The following ITPRID1 variants were observed in gnomAD, a reference collection of about 807,000 sequenced individuals.
The protein encoded by ITPRID1 is ITPR interacting domain containing 1, also known as protein ITPRID1.
A neutral mutation model predicts 95.4 loss-of-function variants in ITPRID1; 96 were observed. The observed-to-expected ratio is 1.01, with a 90% CI of 0.85 to 1.19. The LOEUF (loss-of-function observed/expected upper bound fraction) is 1.19. Ranked by LOEUF, ITPRID1 falls within the 50% of genes most tolerant of loss-of-function variation. The probability of loss-of-function intolerance (pLI) is 0.00; values close to 1 mark genes in which losing one functional copy is unlikely to be tolerated. For synonymous variants in ITPRID1, 510 were observed against 453.6 expected (o/e 1.12, Z -1.58); for missense variants, 1,339 against 1,252.9 (o/e 1.07, Z -1.04).
rs746300225 is a variant in ITPRID1, at chr7:31,643,055, A to G, written c.1685A>G (p.Tyr562Cys). 2.5e-6 allele frequency: 4 copies of G among 1,613,860 alleles called. No homozygotes were observed. The Admixed American group carries it at 5.0e-5, about 20-fold the overall frequency. ...ACCAGACCCACAGCCACTTCCAAAT[A>G]TGATCATCCTCTGGGGTTTATGGTA... is the stretch of plus-strand genomic sequence containing the variant. The part of the protein sequence containing the change: ...EVTRPTATSK[Y>C]DHPLGFMVTH... Residue 562 changes from tyrosine (Y) to cysteine (C), a missense_variant, in exon 12 of 15, where the codon TAT becomes TGT. By Grantham distance (194) the Tyr-to-Cys change is radical (BLOSUM62 -2). Coordinates refer to ENST00000615280, the MANE Select transcript of ITPRID1 (RefSeq NM_001257967.3).
At chr7:31,632,433 C>T (rs931398859) in intron 10 of ITPRID1, among the ~76,000 whole-genome samples, 5 of 152,022 alleles carry the variant, frequency 3.3e-5, no homozygotes, top group African/African-American at 4.8e-5. Context: ...GGTGACAGAG[C>T]GAGACTCCTT....
intron 10 of ITPRID1, among the ~76,000 whole-genome samples, chr7:31,640,601 A>T (rs1216856633): frequency 1.3e-5 from 2 of 151,612 alleles, no homozygotes; most frequent in East Asian, 3.9e-4. Flanking sequence ...TTTCTCAAGG[A>T]CTGCTGTCTG....
intron 5 of ITPRID1, among the ~76,000 whole-genome samples, chr7:31,562,624 T>G (rs1784663254): frequency 6.6e-6 from 1 of 152,204 alleles, no homozygotes; most frequent in Non-Finnish European, 1.5e-5. Context: ...ATGATCTGTT[T>G]TAGGTGAAGG....
At chr7:31,591,379 A>G (rs1310659003) in intron 10 of ITPRID1, among the ~76,000 whole-genome samples, 1 of 152,236 alleles carries the variant, frequency 6.6e-6, no homozygotes, top group Non-Finnish European at 1.5e-5. Context: ...ACACATATGC[A>G]GCCATAACAA....
In ITPRID1 at chr7:31,549,621, T is replaced by C. The variant is rs1583485254; in HGVS notation, c.-24+122T>C. 4.0e-5 allele frequency: 26 copies of C among 643,874 alleles called. No individual in the cohort carries two copies. In the East Asian group the frequency reaches 6.9e-4, roughly 17 times the overall value. The allele number at this position is 643,874 out of a possible 1,614,324, so 39.9% of individuals were successfully genotyped here. Reference sequence around the variant, plus strand: ...GAAAAGTTTGAAAATTTCCCCAAGATGTCAGAAAGCAGCAGAGCTGATATT... The same window carrying C: ...GAAAAGTTTGAAAATTTCCCCAAGACGTCAGAAAGCAGCAGAGCTGATATT... On this transcript the variant is annotated intron_variant, in intron 2 of 14. Coordinates refer to ENST00000615280, the MANE Select transcript of ITPRID1 (RefSeq NM_001257967.3).
chr7:31,542,585 T>TA (rs1783968637), intron 1 of ITPRID1, among the ~76,000 whole-genome samples: 1 of 152,186 alleles, frequency 6.6e-6, no homozygotes, highest in Non-Finnish European at 1.5e-5. Context: ...TGGACTAGAC[T>TA]GCCTAAGGCT....
chr7:31,519,727 A>G (rs1261890314), intron 1 of ITPRID1, among the ~76,000 whole-genome samples: 2 of 149,370 alleles, frequency 1.3e-5, no homozygotes, highest in Admixed American at 6.7e-5. Context: ...ACTGAATCTC[A>G]GAGTTGGAGT....
rs1036733868 is a variant in ITPRID1, at chr7:31,598,697, T to C, written c.1228+15506T>C. On this transcript the variant is annotated intron_variant, in intron 10 of 14. Coordinates refer to ENST00000615280, the MANE Select transcript of ITPRID1 (RefSeq NM_001257967.3). ...GGATTACAGGCGTGAGCCACCGCGCTCGGTCTAAAATAGCAAATTTCTAAA... is the reference window on the plus strand; with the variant it reads ...GGATTACAGGCGTGAGCCACCGCGCCCGGTCTAAAATAGCAAATTTCTAAA... 2.6e-5 allele frequency among the ~76,000 whole-genome samples: 4 copies of C among 152,070 alleles called. No individual in the cohort carries two copies. The South Asian group carries it at 6.2e-4, about 24-fold the overall frequency.
chr7:31,555,085 C>A lies in ITPRID1; in HGVS notation c.256+184C>A, dbSNP rs1490250797. 4 of 565,344 alleles carry A rather than the reference C, an allele frequency of 7.1e-6. No homozygotes were observed. In the Admixed American group the frequency reaches 9.4e-5, roughly 13 times the overall value. The allele number at this position is 565,344 out of a possible 1,614,324, so 35.0% of individuals were successfully genotyped here. ...CTGCGACAAAAATGATAGGTGCTTCCCCAGCAGCAGGTTAAGGGCCGAACC... is the reference window on the plus strand; with the variant it reads ...CTGCGACAAAAATGATAGGTGCTTCACCAGCAGCAGGTTAAGGGCCGAACC... On this transcript the variant is annotated intron_variant, in intron 5 of 14. Transcript: ENST00000615280.
chr7:31,586,531 T>G (rs919873628), intron 10 of ITPRID1, among the ~76,000 whole-genome samples: 1 of 151,026 alleles, frequency 6.6e-6, no homozygotes, highest in Non-Finnish European at 1.5e-5. Context: ...TGATCGCCAT[T>G]CTAACTGGTG....
intron 10 of ITPRID1, among the ~76,000 whole-genome samples, chr7:31,598,146 TTGG>T (rs997820870): frequency 2.0e-5 from 3 of 152,120 alleles, no homozygotes; most frequent in African/African-American, 2.4e-5. Flanking sequence ...AAGTAAGGCA[TTGG>T]TACTTACAAA....
chr7:31,587,348 G>C (rs1287519700), intron 10 of ITPRID1, among the ~76,000 whole-genome samples: 2 of 151,994 alleles, frequency 1.3e-5, no homozygotes, highest in African/African-American at 4.8e-5. Context: ...ACCAATAACA[G>C]ACAAACAGAG....
At chr7:31,557,313 C>T (rs1024419186) in intron 5 of ITPRID1, among the ~76,000 whole-genome samples, 1 of 152,062 alleles carries the variant, frequency 6.6e-6, no homozygotes, top group African/African-American at 2.4e-5. Flanking sequence ...GTGTCTTCAT[C>T]TTACAGGTGA....
chr7:31,593,901 T>C (rs1785966854), intron 10 of ITPRID1, among the ~76,000 whole-genome samples: 1 of 152,184 alleles, frequency 6.6e-6, no homozygotes, highest in African/African-American at 2.4e-5. Context: ...TATGTGTTCA[T>C]ATGGAAAGGT....
intron 1 of ITPRID1, among the ~76,000 whole-genome samples, chr7:31,537,709 T>C (rs1013756960): frequency 1.3e-5 from 2 of 152,204 alleles, no homozygotes; most frequent in Non-Finnish European, 2.9e-5. Context: ...TTCTTCATAA[T>C]AAAAATAATT....
At chr7:31,632,567 T>C (rs552976416) in intron 10 of ITPRID1, among the ~76,000 whole-genome samples, 1 of 152,330 alleles carries the variant, frequency 6.6e-6, no homozygotes, top group Admixed American at 6.5e-5. Context: ...TCTAAACATT[T>C]ATTTATTGAT....
intron 10 of ITPRID1, among the ~76,000 whole-genome samples, chr7:31,595,499 G>T (rs1185523493): frequency 6.6e-6 from 1 of 152,086 alleles, no homozygotes; most frequent in Non-Finnish European, 1.5e-5. Context: ...GTACTTGGGG[G>T]CTGGGTCCTC....
chr7:31,539,119 A>G (rs1207866457), intron 1 of ITPRID1, among the ~76,000 whole-genome samples: 1 of 152,188 alleles, frequency 6.6e-6, no homozygotes, highest in African/African-American at 2.4e-5. Context: ...AAGTTTTGAC[A>G]GTTATTAACA....
chr7:31,592,413 C>T (rs774685167), intron 10 of ITPRID1, among the ~76,000 whole-genome samples: 4 of 152,150 alleles, frequency 2.6e-5, no homozygotes, highest in Non-Finnish European at 4.4e-5. Context: ...ACATGTAAAT[C>T]CCTTATGTAT....
Sources: gnomAD v4.1 joint callset for allele counts (sites outside exome capture counted in the v4.1 genomes callset) on GRCh38, gnomAD v4.1.1 for gene constraint, MANE v1.5 for transcripts, NCBI Gene and HGNC (gene_info 2026-07-23, HGNC 2026-07-21) for gene names.